ATIC: variants seen among roughly 807,000 people sequenced by gnomAD.
ATIC encodes the protein bifunctional purine biosynthesis protein ATIC.
In ATIC, 64 loss-of-function variants were observed where a neutral mutation model predicts 72.5. The ratio of observed to expected loss-of-function variants is 0.88; its 90% CI spans 0.72 to 1.09. The LOEUF is 1.09. Ranked by LOEUF, ATIC falls within the 50% of genes least tolerant of loss-of-function variation. The pLI, the probability that ATIC is intolerant of heterozygous loss-of-function variation, is 0.00. For missense variants in ATIC, 787 were observed against 732.4 expected (o/e 1.07, Z -0.86); for synonymous variants, 281 against 267.1 (o/e 1.05, Z -0.51).
the ATIC span, chr2:215,368,173 G>C: frequency 1.2e-6 from 1 of 865,008 alleles, no homozygotes; most frequent in African/African-American, 1.7e-5. Context: ...GTTCTATCAA[G>C]GCATTAACTG....
chr2:215,318,878 A>C (rs1008673961), intron 3 of ATIC, among the ~76,000 whole-genome samples: 11 of 151,376 alleles, frequency 7.3e-5, no homozygotes, highest in African/African-American at 1.7e-4. Flanking sequence ...TTTTAAATAT[A>C]TCTCTCTTTT....
intron 14 of ATIC, among the ~76,000 whole-genome samples, chr2:215,348,091 C>T (rs975274618): frequency 5.3e-5 from 8 of 152,276 alleles, no homozygotes; most frequent in African/African-American, 1.9e-4. Context: ...GTAATCCATT[C>T]ATGAGGGCCC....
intron 4 of ATIC, among the ~76,000 whole-genome samples, chr2:215,322,786 G>T (rs1302700231): frequency 6.6e-6 from 1 of 152,138 alleles, no homozygotes; most frequent in African/African-American, 2.4e-5. Flanking sequence ...TTGTTGAAAA[G>T]ACTGTTCTTT....
intron 6 of ATIC, among the ~76,000 whole-genome samples, chr2:215,326,483 G>A (rs1396897490): frequency 4.0e-5 from 6 of 151,872 alleles, no homozygotes; most frequent in African/African-American, 1.5e-4. Context: ...GGTGTGGTAC[G>A]CCTGTAATCC....
At chr2:215,365,408 C>G in the ATIC span, 1 of 1,319,576 alleles carries the variant, frequency 7.6e-7, no homozygotes. Flanking sequence ...TCAAGGAGAC[C>G]TAAAGTCTCC....
At chr2:215,353,462 T>C (rs1452981167), downstream of ATIC, among the ~76,000 whole-genome samples, 3 of 152,204 alleles carry the variant, frequency 2.0e-5, no homozygotes, top group Non-Finnish European at 2.9e-5. Flanking sequence ...TTCATCTATC[T>C]ATTGCAGTGC....
chr2:215,329,945 A>G (rs763298782), intron 7 of ATIC, among the ~76,000 whole-genome samples: 3 of 152,138 alleles, frequency 2.0e-5, no homozygotes, highest in Non-Finnish European at 2.9e-5. Context: ...TATTTTTAGT[A>G]AAGACAGAGT....
At chr2:215,322,920 T>C (rs935973549) in intron 4 of ATIC, among the ~76,000 whole-genome samples, 3 of 152,038 alleles carry the variant, frequency 2.0e-5, no homozygotes, top group Non-Finnish European at 4.4e-5. Context: ...ACTTCATTTT[T>C]CTGTTTTTTG....
chr2:215,345,180 T>C (rs2053059249), intron 13 of ATIC: 2 of 397,014 alleles, frequency 5.0e-6, no homozygotes, highest in Admixed American at 3.8e-5. Context: ...TTTTCCCCCA[T>C]TGGTATTATT....
In ATIC at chr2:215,318,210, C is replaced by T; in HGVS notation, c.200C>T (p.Thr67Ile). ...FPEMLGGRVK[T>I]LHPAVHAGIL... ...GAAATGTTGGGGGGACGTGTGAAAA[C>T]TTTGCATCCTGCAGTCCATGCTGGT... is the stretch of plus-strand genomic sequence containing the variant. The change falls in exon 3 of 16, where the codon ACT (threonine) becomes ATT (isoleucine). Residue 67 changes from threonine to isoleucine, a missense_variant. By Grantham distance (89) the Thr-to-Ile change is moderately conservative (BLOSUM62 -1). Transcript: ENST00000236959. 1 of 1,614,070 alleles carries T rather than the reference C, an allele frequency of 6.2e-7. No individual in the cohort carries two copies. The highest frequency in any genetic ancestry group is 8.5e-7 in the Non-Finnish European group (1 of 1,179,954).
At chr2:215,328,676 C>A (rs1016693622) in intron 7 of ATIC, among the ~76,000 whole-genome samples, 2 of 151,728 alleles carry the variant, frequency 1.3e-5, no homozygotes, top group African/African-American at 4.8e-5. Context: ...TGTTTCTATT[C>A]AATCTGTTCA....
At chr2:215,360,751 A>G in the ATIC span, 1 of 152,664 alleles carries the variant, frequency 6.6e-6, no homozygotes, top group Non-Finnish European at 1.5e-5. Flanking sequence ...ACTGAAATCA[A>G]CAATTAGACT....
intron 7 of ATIC, among the ~76,000 whole-genome samples, chr2:215,331,718 TTTCTGTGTGCTGAAC>T (rs367576223): frequency 0.013 from 2,023 of 152,204 alleles, 41 homozygotes; most frequent in African/African-American, 0.045. Flanking sequence ...CCACCATTTC[TTTCTGTGTGCTGAAC>T]TTCTTATGTT....
Position 215,328,628 on chromosome 2 carries a change from C to T in ATIC, c.688+1650C>T, listed in dbSNP as rs1256256393. 2.6e-5 allele frequency among the ~76,000 whole-genome samples: 4 copies of T among 152,254 alleles called. No homozygotes were observed. The East Asian group carries it at 7.7e-4, about 29-fold the overall frequency. Reference sequence around the variant, plus strand: ...GACCGCTTAGACCAAAGTAGCAGCCCATCATGCTTTCATCCCATCACCCTG... The same window carrying T: ...GACCGCTTAGACCAAAGTAGCAGCCTATCATGCTTTCATCCCATCACCCTG... On this transcript the variant is annotated intron_variant, in intron 7 of 15. Coordinates refer to ENST00000236959, the MANE Select transcript of ATIC (RefSeq NM_004044.7).
intron 12 of ATIC, 133 bp downstream of exon 12, chr2:215,339,040 T>A: frequency 1.6e-6 from 2 of 1,239,334 alleles, no homozygotes; most frequent in Non-Finnish European, 1.2e-6. Flanking sequence ...AGCTTATCTT[T>A]GAGTTGTCAC....
chr2:215,346,848 T>C lies in ATIC; in HGVS notation c.1410T>C (p.His470=). 5.0e-6 allele frequency: 8 copies of C among 1,614,174 alleles called. No homozygotes were observed. The highest frequency in any genetic ancestry group is 6.8e-6 in the Non-Finnish European group (8 of 1,180,016). Residue 470 remains histidine (H), a synonymous_variant, in exon 14 of 16, where the codon CAT becomes CAC. Transcript: ENST00000236959. ...CAAACTATTGGTGGCTTAGACACCA[T>C]CCACAAGTGCTTTCGATGAAGTTTA... ...DKANYWWLRH[H]PQVLSMKFKT...
At chr2:215,365,865 G>A in the ATIC span, 1 of 209,460 alleles carries the variant, frequency 4.8e-6, no homozygotes, top group African/African-American at 2.4e-5. Flanking sequence ...GAGTGAAGTG[G>A]TGCAATCTCG....
intron 7 of ATIC, among the ~76,000 whole-genome samples, chr2:215,328,104 C>CCTCAAGTTATCTGCCTAT (rs374182813): frequency 7.3e-4 from 111 of 151,930 alleles, no homozygotes; most frequent in African/African-American, 2.4e-3. Flanking sequence ...AAACTCCTGA[C>CCTCAAGTTATCTGCCTAT]CTCAAGTTAT....
the ATIC span, among the ~76,000 whole-genome samples, chr2:215,356,924 T>G: frequency 3.3e-5 from 5 of 152,138 alleles, no homozygotes; most frequent in Non-Finnish European, 7.4e-5. Context: ...TGAACATATG[T>G]TTTCTGTTCT....
Sources: allele counts gnomAD v4.1 joint callset (sites outside exome capture counted in the v4.1 genomes callset), GRCh38; gene constraint gnomAD v4.1.1; transcripts MANE v1.5; gene names NCBI Gene and HGNC (gene_info 2026-07-23, HGNC 2026-07-21).